The following DCC variants were observed in gnomAD, a reference collection of about 807,000 sequenced individuals.
DCC encodes DCC netrin 1 receptor.
A neutral mutation model predicts 172.5 loss-of-function variants in DCC; 58 were observed. The ratio of observed to expected loss-of-function variants is 0.34; its 90% CI spans 0.27 to 0.42. The LOEUF (loss-of-function observed/expected upper bound fraction) is 0.42. DCC is among the 10% of genes least tolerant of loss of function. The pLI is 1.00. For missense variants in DCC, 1,740 were observed against 1,791.0 expected, an observed-to-expected ratio of 0.97 and a Z score of 0.51; for synonymous variants, 709 against 644.5, an observed-to-expected ratio of 1.10 and a Z score of -1.52.
chr18:53,223,174 C>A (rs2055969842), intron 12 of DCC, among the ~76,000 whole-genome samples: 1 of 152,022 alleles, frequency 6.6e-6, no homozygotes, highest in Non-Finnish European at 1.5e-5. Flanking sequence ...CTTAGGAAAA[C>A]ATTTTCTAGA....
intron 22 of DCC, among the ~76,000 whole-genome samples, chr18:53,448,388 GA>G (rs769583567): frequency 3.9e-5 from 6 of 152,106 alleles, no homozygotes; most frequent in Non-Finnish European, 5.9e-5. Flanking sequence ...CAAAAGGGGG[GA>G]AAGGACCTTA....
chr18:53,286,599 A>T (rs1171503758), intron 12 of DCC, among the ~76,000 whole-genome samples: 1 of 152,196 alleles, frequency 6.6e-6, no homozygotes, highest in Admixed American at 6.5e-5. Context: ...GGCTTTCTAG[A>T]TGTCCTCAGA....
At chr18:52,846,822 A>G (rs1221164387) in intron 2 of DCC, among the ~76,000 whole-genome samples, 1 of 152,174 alleles carries the variant, frequency 6.6e-6, no homozygotes, top group Admixed American at 6.5e-5. Context: ...TTCAATAACC[A>G]TGGAGATTAT....
chr18:52,457,272 G>A (rs575181606), intron 1 of DCC, among the ~76,000 whole-genome samples: 8 of 152,298 alleles, frequency 5.3e-5, no homozygotes, highest in African/African-American at 1.9e-4. Context: ...ATCTCACCTA[G>A]AGCAGTGTCT....
chr18:53,056,714 A>G (rs7505147), intron 5 of DCC, among the ~76,000 whole-genome samples: 40,108 of 151,902 alleles, frequency 0.26, 5,746 homozygotes, highest in African/African-American at 0.38. Flanking sequence ...ACATGGCTCC[A>G]GGGAAACTAG....
chr18:52,796,599 G>T (rs1300225486), intron 2 of DCC, among the ~76,000 whole-genome samples: 1 of 151,910 alleles, frequency 6.6e-6, no homozygotes, highest in Non-Finnish European at 1.5e-5. Flanking sequence ...TAGTATTTTT[G>T]GCTAAAAGGT....
At chr18:52,538,398 C>T (rs1328262697) in intron 1 of DCC, among the ~76,000 whole-genome samples, 4 of 152,186 alleles carry the variant, frequency 2.6e-5, no homozygotes, top group African/African-American at 7.2e-5. Flanking sequence ...ATTACTGTTA[C>T]AGTAAGACAA....
chr18:53,351,364 ATACTG>A (rs2057800143), intron 15 of DCC, among the ~76,000 whole-genome samples: 1 of 84,638 alleles, frequency 1.2e-5, no homozygotes, highest in African/African-American at 4.5e-5. Context: ...GTATATATAT[ATACTG>A]TATATATATA....
intron 1 of DCC, among the ~76,000 whole-genome samples, chr18:52,548,116 G>A (rs1022488834): frequency 6.6e-6 from 1 of 152,078 alleles, no homozygotes; most frequent in African/African-American, 2.4e-5. Context: ...TAATGTTAAC[G>A]TCTTATTTGT....
intron 2 of DCC, among the ~76,000 whole-genome samples, chr18:52,861,639 C>A (rs1054574624): frequency 1.3e-5 from 2 of 150,492 alleles, no homozygotes; most frequent in Non-Finnish European, 3.0e-5. Context: ...AAAAAAGAAT[C>A]ATTAATATTC....
At chr18:52,921,073 A>C (rs947357625) in intron 3 of DCC, among the ~76,000 whole-genome samples, 1 of 152,168 alleles carries the variant, frequency 6.6e-6, no homozygotes, top group Non-Finnish European at 1.5e-5. Context: ...TAGGATGCTG[A>C]GATTATTCCA....
chr18:53,113,782 A>G (rs2043371036), intron 7 of DCC, among the ~76,000 whole-genome samples: 1 of 151,438 alleles, frequency 6.6e-6, no homozygotes, highest in Admixed American at 6.6e-5. Context: ...CAGGTGTTAA[A>G]CGGACTCAAT....
At chr18:52,862,701 A>G (rs879453938) in intron 2 of DCC, among the ~76,000 whole-genome samples, 2 of 152,146 alleles carry the variant, frequency 1.3e-5, no homozygotes, top group Non-Finnish European at 2.9e-5. Flanking sequence ...GTTGTCTCCA[A>G]AAAAATATAT....
chr18:53,050,869 T>C (rs2042324661), intron 5 of DCC, among the ~76,000 whole-genome samples: 2 of 152,282 alleles, frequency 1.3e-5, no homozygotes, highest in South Asian at 4.1e-4. Flanking sequence ...GATATATCTA[T>C]ACTTGCATAA....
At position 53,137,005 on chromosome 18, in the gene DCC, G is replaced by A. The variant is rs537266383; in HGVS notation, c.1262-20351G>A. On this transcript the variant is annotated intron_variant, in intron 7 of 28. Transcript: ENST00000442544. The stretch of plus-strand genomic sequence containing the variant: ...AAGACATTTGAGTTTTTTTCTAGTT[G>A]ACTTGATAATTTCTACTTACCTAGG... 5.9e-5 allele frequency among the ~76,000 whole-genome samples: 9 copies of A among 152,252 alleles called. No individual in the cohort carries two copies. In the South Asian group the frequency reaches 1.9e-3, roughly 32 times the overall value.
At chr18:52,790,224 T>C (rs2037734914) in intron 2 of DCC, among the ~76,000 whole-genome samples, 1 of 152,198 alleles carries the variant, frequency 6.6e-6, no homozygotes, top group Admixed American at 6.5e-5. Flanking sequence ...ATAGACTGTT[T>C]TGTTGGGCTG....
intron 12 of DCC, among the ~76,000 whole-genome samples, chr18:53,239,901 C>T (rs952266054): frequency 6.6e-6 from 1 of 151,430 alleles, no homozygotes; most frequent in African/African-American, 2.4e-5. Flanking sequence ...AGAATGGTAG[C>T]ATAATACACA....
intron 1 of DCC, among the ~76,000 whole-genome samples, chr18:52,561,439 C>T (rs1260107722): frequency 6.6e-6 from 1 of 151,506 alleles, no homozygotes; most frequent in Non-Finnish European, 1.5e-5. Context: ...GTGTGTATGT[C>T]TATGTGCTAC....
intron 15 of DCC, among the ~76,000 whole-genome samples, chr18:53,344,434 G>GTT (rs2057697742): frequency 8.4e-6 from 1 of 118,630 alleles, no homozygotes; most frequent in Non-Finnish European, 1.7e-5. Context: ...CTTTCTTTTC[G>GTT]TTTTTCTTTT....
Sources: allele counts gnomAD v4.1 joint callset (sites outside exome capture counted in the v4.1 genomes callset), GRCh38; gene constraint gnomAD v4.1.1; transcripts MANE v1.5; gene names NCBI Gene and HGNC (gene_info 2026-07-23, HGNC 2026-07-21).